VWF: variants seen among roughly 807,000 people sequenced by gnomAD.
VWF encodes Factor VIII related antigen.
Under a neutral mutation model 308.6 loss-of-function variants are expected in VWF, and 176 were observed. The ratio of observed to expected loss-of-function variants is 0.57; its 90% confidence interval spans 0.50 to 0.65. The LOEUF is 0.65. Among genes scored for constraint, VWF ranks in the 30% least tolerant of loss-of-function variants. The pLI is 0.00. For missense variants in VWF, 3,146 were observed against 3,648.2 expected, an observed-to-expected ratio of 0.86 and a Z score of 3.55; for synonymous variants, 1,385 against 1,443.4, an observed-to-expected ratio of 0.96 and a Z score of 0.92.
intron 6 of VWF, among the ~76,000 whole-genome samples, chr12:6,082,577 T>A (rs906719692): frequency 6.6e-6 from 1 of 152,270 alleles, no homozygotes; most frequent in African/African-American, 2.4e-5. Flanking sequence ...GTAAACACAC[T>A]GTAACCTCCT....
chr12:6,012,427 TG>T (rs1197824217), intron 32 of VWF, among the ~76,000 whole-genome samples: 1 of 152,100 alleles, frequency 6.6e-6, no homozygotes, highest in Non-Finnish European at 1.5e-5. Context: ...ACGCCAGGGA[TG>T]GGGAAGGTGG....
intron 6 of VWF, among the ~76,000 whole-genome samples, chr12:6,085,703 C>G (rs914925293): frequency 9.2e-6 from 1 of 108,112 alleles, no homozygotes; most frequent in Non-Finnish European, 1.7e-5. Context: ...TCACACACCA[C>G]GGCCTGTGGG....
At position 6,123,211 on chromosome 12, in the gene VWF, G is replaced by C. The variant is rs2136537869; in HGVS notation, c.1-15C>G. ...GCAGGAATCATCTGCAAAGAAGCAA[G>C]AGACGTGAGCTGGTCATTGCTGCCC... On this transcript the variant is annotated splice_polypyrimidine_tract_variant and intron_variant, in intron 1 of 51. Coordinates refer to ENST00000261405, the MANE Select transcript of VWF (RefSeq NM_000552.5). 6.2e-7 allele frequency: 1 copy of C among 1,614,224 alleles called. No homozygotes were observed. Among genetic ancestry groups the C allele is most frequent in the South Asian group, 1.1e-5 (1 of 91,088 alleles).
chr12:6,020,799 T>C lies in VWF; in HGVS notation c.3675-1056A>G, dbSNP rs139314895. The stretch of plus-strand genomic sequence containing the variant: ...TTGATACCAGGTGATGCCACCAGCC[T>C]GCTGTGGGACTTCTGTCCACACACT... On this transcript the variant is annotated intron_variant, in intron 27 of 51. Transcript: ENST00000261405. This position sits in a 1 kb window ranked among gnomAD's most constrained non-coding sequence, Gnocchi z 4.3. Among the ~76,000 whole-genome samples the C allele has an allele frequency of 0.032, 4,881 of 152,322 alleles. 265 individuals carry two copies. Among genetic ancestry groups the C allele is most frequent in the African/African-American group, 0.11 (4,631 of 41,544 alleles).
intron 20 of VWF, among the ~76,000 whole-genome samples, chr12:6,032,371 G>A (rs934963976): frequency 2.0e-5 from 3 of 150,460 alleles, no homozygotes; most frequent in Non-Finnish European, 1.5e-5. Flanking sequence ...CGGGCATGGT[G>A]GCCCACGCCT....
At chr12:5,999,135 G>A (rs908471134) in intron 34 of VWF, among the ~76,000 whole-genome samples, 2 of 152,156 alleles carry the variant, frequency 1.3e-5, no homozygotes, top group African/African-American at 4.8e-5. Context: ...CATGAGCAAG[G>A]ACAATCCAAG....
chr12:5,953,622 A>G (rs777287538), intron 47 of VWF, 28 bp from the exon 48 acceptor site: 2 of 1,582,890 alleles, frequency 1.3e-6, no homozygotes, highest in East Asian at 4.5e-5. Flanking sequence ...AAAAGCAGCC[A>G]TAGTTAACCT....
chr12:6,066,530 A>G (rs1944716701), intron 10 of VWF, among the ~76,000 whole-genome samples: 1 of 152,262 alleles, frequency 6.6e-6, no homozygotes, highest in Admixed American at 6.5e-5. Flanking sequence ...GGACACATAG[A>G]GTGCACAGGG....
intron 47 of VWF, among the ~76,000 whole-genome samples, chr12:5,960,458 A>G (rs1365923968): frequency 1.3e-5 from 2 of 152,216 alleles, no homozygotes; most frequent in Non-Finnish European, 2.9e-5. Context: ...ATTTTATATA[A>G]GCTCTTTAGA....
chr12:6,025,919 G>C lies in VWF; in HGVS notation c.3095C>G (p.Ala1032Gly), dbSNP rs531867007. Residue 1032 changes from alanine (A) to glycine (G), a missense_variant, in exon 23 of 52, where the codon GCT (alanine) becomes GGT (glycine). Around this residue, in one of 3 missense-constraint regions of VWF, gnomAD observed 853 missense variants for 1,177.8 expected, o/e 0.72. Coordinates refer to ENST00000261405, the MANE Select transcript of VWF (RefSeq NM_000552.5). The part of the protein sequence containing the change: ...GNSWKVSSQC[A>G]DTRKVPLDSS... ...ACCCAGACGTACTTTTCTGGTGTCA[G>C]CACACTGCGAGCTCACTTTCCAGGA... 6.2e-7 allele frequency: 1 copy of C among 1,613,872 alleles called. No individual in the cohort carries two copies. Among genetic ancestry groups the C allele is most frequent in the Non-Finnish European group, 8.5e-7 (1 of 1,179,892 alleles).
chr12:6,053,560 G>C (rs973795860), intron 15 of VWF, among the ~76,000 whole-genome samples: 1 of 152,116 alleles, frequency 6.6e-6, no homozygotes, highest in Non-Finnish European at 1.5e-5. Flanking sequence ...GCCTCCCACA[G>C]AAAAATACTG....
At chr12:6,077,345 A>C (rs1294348068) in intron 6 of VWF, among the ~76,000 whole-genome samples, 1 of 152,120 alleles carries the variant, frequency 6.6e-6, no homozygotes, top group African/African-American at 2.4e-5. Context: ...TCTGCACCTT[A>C]GGAAAGCACC....
intron 44 of VWF, among the ~76,000 whole-genome samples, chr12:5,970,957 A>C (rs976310634): frequency 1.4e-4 from 21 of 152,190 alleles, no homozygotes; most frequent in Non-Finnish European, 1.9e-4. Flanking sequence ...GTTTAAGAAA[A>C]TGGCTTGATG....
At chr12:5,977,933 A>T (rs10849368) in intron 42 of VWF, among the ~76,000 whole-genome samples, 11,155 of 148,334 alleles carry the variant, frequency 0.075, 617 homozygotes, top group East Asian at 0.25. Context: ...GGGTGGAGGA[A>T]GGAATAAGGT....
At position 6,118,249 on chromosome 12, in the gene VWF, C is replaced by T. The variant is rs141749518; in HGVS notation, c.220+2925G>A. 3.9e-5 allele frequency among the ~76,000 whole-genome samples: 6 copies of T among 152,140 alleles called. No homozygotes were observed. The East Asian group carries it at 1.2e-3, about 29-fold the overall frequency. ...CTAAGGTATTAGTATGTGTTGTTTA[C>T]CAGCCCGTCTCGGGGCAGGGAGTCC... is the stretch of plus-strand genomic sequence containing the variant. On this transcript the variant is annotated intron_variant, in intron 3 of 51. Coordinates refer to ENST00000261405, the MANE Select transcript of VWF (RefSeq NM_000552.5).
chr12:6,012,497 A>G (rs1187361788), intron 32 of VWF, among the ~76,000 whole-genome samples: 1 of 152,260 alleles, frequency 6.6e-6, no homozygotes, highest in Non-Finnish European at 1.5e-5. Context: ...TCCTACCAGG[A>G]GAGCTGCCAT....
In VWF at chr12:6,019,824, C is replaced by A; in HGVS notation, c.3675-81G>T. On this transcript the variant is annotated intron_variant, in intron 27 of 51. Coordinates refer to ENST00000261405, the MANE Select transcript of VWF (RefSeq NM_000552.5). The surrounding 1 kb of genome is among the most constrained non-coding windows in gnomAD (Gnocchi z 5.8). ...TGAGCCCTACAGTGTACAATGACTTCCATATTCCCACAGAATCTCCTCTGT... is the reference window on the plus strand; with the variant it reads ...TGAGCCCTACAGTGTACAATGACTTACATATTCCCACAGAATCTCCTCTGT... The A allele has an allele frequency of 7.0e-7, 1 of 1,432,152 alleles. No individual in the cohort carries two copies. Among genetic ancestry groups the A allele is most frequent in the Non-Finnish European group, 9.5e-7 (1 of 1,050,514 alleles). 88.7% of individuals were successfully genotyped at this position (1,432,152 alleles called of 1,614,324 possible). A position where few individuals can be genotyped will look rare whatever the true frequency, so the allele number is the denominator to read the frequency against.
intron 38 of VWF, among the ~76,000 whole-genome samples, chr12:5,988,841 G>A (rs536660848): frequency 9.2e-5 from 14 of 152,322 alleles, no homozygotes; most frequent in Middle Eastern, 3.4e-3. Flanking sequence ...CTATCACCAG[G>A]CCAGAACCGG....
At chr12:6,064,144 G>C in intron 12 of VWF, 102 bp downstream of exon 12, 1 of 1,571,704 alleles carries the variant, frequency 6.4e-7, no homozygotes, top group Non-Finnish European at 8.7e-7. Flanking sequence ...TCCCATGGAA[G>C]AGGCATGCAG....
Sources: allele counts gnomAD v4.1 joint callset (sites outside exome capture counted in the v4.1 genomes callset), GRCh38; gene constraint gnomAD v4.1.1; regional missense constraint gnomAD v4.1.1; non-coding constraint Gnocchi (gnomAD v3.1); transcripts MANE v1.5; gene names NCBI Gene and HGNC (gene_info 2026-07-23, HGNC 2026-07-21).